Variants in STRN3 observed in about 807,000 individuals in gnomAD.
The protein encoded by STRN3 is striatin-3.
A neutral mutation model predicts 95.6 loss-of-function variants in STRN3; 29 were observed. The observed-to-expected ratio is 0.30, with a 90% CI of 0.23 to 0.41. The LOEUF (loss-of-function observed/expected upper bound fraction) is 0.41, where lower values mean the gene tolerates loss of function less well. Ranked by LOEUF, STRN3 falls within the 10% of genes least tolerant of loss-of-function variation. The pLI, the probability that STRN3 is intolerant of heterozygous loss-of-function variation, is 1.00. For missense variants in STRN3, 890 were observed against 972.1 expected (o/e 0.92, Z 1.12); for synonymous variants, 331 against 357.6 (o/e 0.93, Z 0.84).
chr14:30,962,846 T>TA (rs57211229), intron 1 of STRN3, among the ~76,000 whole-genome samples: 4 of 152,106 alleles, frequency 2.6e-5, no homozygotes, highest in African/African-American at 7.2e-5. Context: ...TTTTTTTTTT[T>TA]ACTATACCTT....
At chr14:30,937,941 A>G (rs1354774702) in intron 5 of STRN3, among the ~76,000 whole-genome samples, 1 of 152,106 alleles carries the variant, frequency 6.6e-6, no homozygotes, top group Non-Finnish European at 1.5e-5. Context: ...TCTAGCATAC[A>G]TACCTCCCTA....
At chr14:30,938,518 A>C (rs1878937651) in intron 5 of STRN3, among the ~76,000 whole-genome samples, 1 of 152,188 alleles carries the variant, frequency 6.6e-6, no homozygotes, top group Admixed American at 6.5e-5. Context: ...CTCTAAAGTA[A>C]GAGTACCTCC....
intron 12 of STRN3, among the ~76,000 whole-genome samples, chr14:30,911,427 G>A (rs939251366): frequency 6.6e-6 from 1 of 150,622 alleles, no homozygotes; most frequent in Admixed American, 6.7e-5. Context: ...TCAGCCTACT[G>A]AGTTGCTGAG....
chr14:30,929,522 T>C (rs1312073832), intron 7 of STRN3, among the ~76,000 whole-genome samples: 1 of 152,162 alleles, frequency 6.6e-6, no homozygotes, highest in Admixed American at 6.5e-5. Flanking sequence ...TATCAACAGT[T>C]AAATGGTGCT....
chr14:31,013,662 T>C (rs933537389), intron 1 of STRN3, among the ~76,000 whole-genome samples: 10 of 151,776 alleles, frequency 6.6e-5, no homozygotes, highest in African/African-American at 2.2e-4. Flanking sequence ...GGTGTGATGA[T>C]AGCTCATTAC....
At chr14:30,944,548 T>C (rs909126984) in intron 5 of STRN3, among the ~76,000 whole-genome samples, 1 of 93,990 alleles carries the variant, frequency 1.1e-5, no homozygotes, top group East Asian at 3.1e-4. Flanking sequence ...CATGTATATA[T>C]ACACGTATAT....
intron 1 of STRN3, among the ~76,000 whole-genome samples, chr14:30,987,927 G>A (rs927176108): frequency 2.6e-5 from 4 of 152,052 alleles, no homozygotes; most frequent in East Asian, 1.9e-4. Context: ...TAGTAGAGAC[G>A]GGGTTTCACC....
intron 9 of STRN3, among the ~76,000 whole-genome samples, chr14:30,915,503 T>C (rs1896715733): frequency 6.6e-6 from 1 of 152,198 alleles, no homozygotes; most frequent in South Asian, 2.1e-4. Context: ...ATCTGAATAA[T>C]CTGTAGCATT....
chr14:31,005,698 G>A (rs770098396), intron 1 of STRN3, among the ~76,000 whole-genome samples: 1 of 152,176 alleles, frequency 6.6e-6, no homozygotes, highest in Non-Finnish European at 1.5e-5. Context: ...TATCCTGCAG[G>A]CAGGCTCTAC....
intron 1 of STRN3, among the ~76,000 whole-genome samples, chr14:30,992,775 AGGC>A (rs1373958762): frequency 3.6e-4 from 55 of 152,172 alleles, no homozygotes; most frequent in African/African-American, 1.3e-3. Flanking sequence ...GCACTTTGGG[AGGC>A]CAAGGCGGTA....
chr14:30,919,024 AT>A lies in STRN3; in HGVS notation c.1181del (p.Asn394IlefsTer10), dbSNP rs1483800265. 1 of 1,612,542 alleles carries A rather than the reference AT, an allele frequency of 6.2e-7. No individual in the cohort carries two copies. The highest frequency in any genetic ancestry group is 1.7e-5 in the Admixed American group (1 of 59,930). On this transcript the variant is annotated frameshift_variant, in exon 9 of 18. Transcript: ENST00000357479. LOFTEE classifies it high-confidence loss of function. ...TTCTAGTAGAGGCTGACCTAGACTG[AT>A]TAATGATTCCTGAAGGGATGTGGGG... ...ELPHIPSGII[N>X]QSRSASTRMT...
At chr14:31,018,293 G>A (rs977812857) in intron 1 of STRN3, among the ~76,000 whole-genome samples, 4 of 152,106 alleles carry the variant, frequency 2.6e-5, no homozygotes, top group Admixed American at 6.5e-5. Flanking sequence ...CTGCTGCCAC[G>A]GGGCCAGCAG....
intron 7 of STRN3, among the ~76,000 whole-genome samples, chr14:30,931,137 G>A (rs1350411199): frequency 1.3e-5 from 2 of 152,112 alleles, no homozygotes; most frequent in Non-Finnish European, 2.9e-5. Flanking sequence ...TTACTTGCAA[G>A]ATAATCTCAA....
At position 30,936,517 on chromosome 14, in the gene STRN3, T is replaced by C. The variant is rs754588005; in HGVS notation, c.824A>G (p.Lys275Arg). ...TACTTTATGTTTATTCATCCGATGT[T>C]TGTCTTTTCCTTCTGGGATGCCTTC... ...MIEGIPEGKDKHRMNKHKIGN... is the reference protein window; with the variant it reads ...MIEGIPEGKDRHRMNKHKIGN... The change falls in exon 6 of 18, where the codon AAA becomes AGA. Residue 275 changes from lysine (K) to arginine (R), a missense_variant. Physicochemically the swap from Lys to Arg is conservative, Grantham distance 26. Around this residue, in one of 3 missense-constraint regions of STRN3, gnomAD observed 526 missense variants for 526.3 expected, o/e 1.00. Coordinates refer to ENST00000357479, the MANE Select transcript of STRN3 (RefSeq NM_001083893.2). 6.2e-7 allele frequency: 1 copy of C among 1,613,442 alleles called. No individual in the cohort carries two copies. Among genetic ancestry groups the C allele is most frequent in the Non-Finnish European group, 8.5e-7 (1 of 1,179,766 alleles).
intron 1 of STRN3, among the ~76,000 whole-genome samples, chr14:30,999,086 G>A (rs528512859): frequency 6.6e-6 from 1 of 152,258 alleles, no homozygotes; most frequent in African/African-American, 2.4e-5. Context: ...TTAGAGACAG[G>A]GTCTCACTCT....
chr14:30,951,322 A>G (rs1012028360), intron 3 of STRN3, among the ~76,000 whole-genome samples: 3 of 151,880 alleles, frequency 2.0e-5, no homozygotes, highest in African/African-American at 7.3e-5. Context: ...TGCAGTCTCG[A>G]CTTCTCTGGG....
chr14:31,026,230 C>A lies in STRN3; in HGVS notation c.-45G>T. On this transcript the variant is annotated 5_prime_UTR_variant, in exon 1 of 18. Coordinates refer to ENST00000357479, the MANE Select transcript of STRN3 (RefSeq NM_001083893.2). ...GGGGCGCAGGGCGAGACGCCGACAG[C>A]TGGGGGAAGGGCCGGAGAGGGTGGC... The A allele has an allele frequency of 7.3e-7, 1 of 1,376,974 alleles. No individual in the cohort carries two copies. The highest frequency in any genetic ancestry group is 9.3e-7 in the Non-Finnish European group (1 of 1,074,182). The allele number at this position is 1,376,974 out of a possible 1,614,324, so 85.3% of individuals were successfully genotyped here. A position where few individuals can be genotyped will look rare whatever the true frequency, so the allele number is the denominator to read the frequency against.
intron 14 of STRN3, among the ~76,000 whole-genome samples, chr14:30,905,881 G>A (rs995222809): frequency 2.6e-5 from 4 of 152,036 alleles, no homozygotes; most frequent in African/African-American, 9.7e-5. Context: ...TAGTCTTTTG[G>A]CCAATTTGCC....
chr14:30,945,812 GAGT>G (rs1227554858), intron 5 of STRN3, among the ~76,000 whole-genome samples: 1 of 152,170 alleles, frequency 6.6e-6, no homozygotes, highest in African/African-American at 2.4e-5. Flanking sequence ...CAGAGACAGA[GAGT>G]AGATTAGTGG....
Sources: gnomAD v4.1 joint callset for allele counts (sites outside exome capture counted in the v4.1 genomes callset) on GRCh38, gnomAD v4.1.1 for gene constraint, gnomAD v4.1.1 regional missense constraint, MANE v1.5 for transcripts, NCBI Gene and HGNC (gene_info 2026-07-23, HGNC 2026-07-21) for gene names.